The following SLC5A1 variants were observed in gnomAD, a reference collection of about 807,000 sequenced individuals.
SLC5A1 encodes the protein solute carrier family 5 member 1, also known as sodium/glucose cotransporter 1.
SLC5A1 carries 42 observed loss-of-function variants against 73.5 expected under a neutral mutation model. The ratio of observed to expected loss-of-function variants is 0.57; its 90% CI spans 0.45 to 0.74. The LOEUF (loss-of-function observed/expected upper bound fraction) is 0.74. SLC5A1 is among the 30% of genes least tolerant of loss of function. SLC5A1 has a pLI of 0.00. For synonymous variants in SLC5A1, 300 were observed against 317.4 expected, an observed-to-expected ratio of 0.95 and a Z score of 0.58; for missense variants, 634 against 855.4, an observed-to-expected ratio of 0.74 and a Z score of 3.23.
rs114142100 is a variant in SLC5A1, at chr22:32,057,495, G to C, written c.207+7481G>C. Among the ~76,000 whole-genome samples the C allele has an allele frequency of 8.1e-3, 1,232 of 152,180 alleles. 10 individuals are homozygous for C. Among genetic ancestry groups the C allele is most frequent in the African/African-American group, 0.028 (1,157 of 41,496 alleles). On this transcript the variant is annotated intron_variant, in intron 2 of 14. Coordinates refer to ENST00000266088, the MANE Select transcript of SLC5A1 (RefSeq NM_000343.4). ...TGCCCAGGCAGGTCTCAAACTCCTG[G>C]ATTCAAGTGATCCTCCTGCCATGGC...
chr22:32,110,587 C>G lies in SLC5A1; in HGVS notation c.*374C>G. 3.2e-6 allele frequency: 1 copy of G among 310,192 alleles called. No individual in the cohort carries two copies. The highest frequency in any genetic ancestry group is 6.2e-6 in the Non-Finnish European group (1 of 161,400). 19.2% of individuals were successfully genotyped at this position (310,192 alleles called of 1,614,324 possible). ...AATATTGTTTTAGAAACTTTGGTCT[C>G]CCTGGTTCCTGCCACTTTTCCTGTC... On this transcript the variant is annotated 3_prime_UTR_variant, in exon 15 of 15. Transcript: ENST00000266088.
At chr22:32,047,342 C>T (rs1200623875) in intron 1 of SLC5A1, among the ~76,000 whole-genome samples, 1 of 151,516 alleles carries the variant, frequency 6.6e-6, no homozygotes, top group East Asian at 1.9e-4. Flanking sequence ...TCTCTGCCCT[C>T]ACATTCTTCC....
At position 32,043,967 on chromosome 22, in the gene SLC5A1, G is replaced by C. The variant is rs1010217720; in HGVS notation, c.135+551G>C. On this transcript the variant is annotated intron_variant, in intron 1 of 14. Coordinates refer to ENST00000266088, the MANE Select transcript of SLC5A1 (RefSeq NM_000343.4). This position sits in a 1 kb window ranked among gnomAD's most constrained non-coding sequence, Gnocchi z 6.5. The stretch of plus-strand genomic sequence containing the variant: ...TTGTGCATGAGGATCCCAGGGGCTG[G>C]ATCAAGTTAGAGATGAGAAAGATGG... Among the ~76,000 whole-genome samples the C allele has an allele frequency of 6.6e-6, 1 of 152,192 alleles. No individual in the cohort carries two copies. Among genetic ancestry groups the C allele is most frequent in the African/African-American group, 2.4e-5 (1 of 41,446 alleles).
intron 11 of SLC5A1, among the ~76,000 whole-genome samples, chr22:32,098,194 G>A (rs1019018671): frequency 1.3e-5 from 2 of 152,136 alleles, no homozygotes; most frequent in Non-Finnish European, 2.9e-5. Context: ...ATCACTCCTT[G>A]ATATTTACAC....
intron 5 of SLC5A1, among the ~76,000 whole-genome samples, chr22:32,074,196 CTCTT>C (rs2093987228): frequency 6.6e-6 from 1 of 152,162 alleles, no homozygotes; most frequent in African/African-American, 2.4e-5. Flanking sequence ...GGTAAGAGCA[CTCTT>C]TGTCCTCAGA....
chr22:32,073,014 C>T (rs2093985145), intron 5 of SLC5A1, among the ~76,000 whole-genome samples: 1 of 152,146 alleles, frequency 6.6e-6, no homozygotes. Context: ...ATAATGTCCT[C>T]TGATGCACAA....
intron 12 of SLC5A1, among the ~76,000 whole-genome samples, chr22:32,099,780 T>C (rs116735725): frequency 0.03 from 4,499 of 152,208 alleles, 204 homozygotes; most frequent in African/African-American, 0.097. Flanking sequence ...TTCTGTAGCC[T>C]CTAGGTGAGT....
chr22:32,084,501 A>G lies in SLC5A1; in HGVS notation c.727A>G (p.Ile243Val). 10 of 1,614,262 alleles carry G rather than the reference A, an allele frequency of 6.2e-6. No individual in the cohort carries two copies. Among genetic ancestry groups the G allele is most frequent in the South Asian group, 1.1e-5 (1 of 91,078 alleles). The change falls in exon 8 of 15, where the codon ATA (isoleucine) becomes GTA (valine). Residue 243 changes from isoleucine (I) to valine (V), a missense_variant. Coordinates refer to ENST00000266088, the MANE Select transcript of SLC5A1 (RefSeq NM_000343.4). ...AAAGTACATGAAAGCCATTCCAACCATAGTGTCTGATGGCAACACCACCTT... is the reference window on the plus strand; with the variant it reads ...AAAGTACATGAAAGCCATTCCAACCGTAGTGTCTGATGGCAACACCACCTT... ...MEKYMKAIPT[I>V]VSDGNTTFQE...
At position 32,110,591 on chromosome 22, in the gene SLC5A1, G is replaced by T; in HGVS notation, c.*378G>T. 9.9e-6 allele frequency: 3 copies of T among 304,106 alleles called. No homozygotes were observed. The highest frequency in any genetic ancestry group is 6.5e-5 in the South Asian group (2 of 30,786). 18.8% of individuals were successfully genotyped at this position (304,106 alleles called of 1,614,324 possible). On this transcript the variant is annotated 3_prime_UTR_variant, in exon 15 of 15. Coordinates refer to ENST00000266088, the MANE Select transcript of SLC5A1 (RefSeq NM_000343.4). ...TTGTTTTAGAAACTTTGGTCTCCCT[G>T]GTTCCTGCCACTTTTCCTGTCCGTC...
intron 8 of SLC5A1, 21 bp downstream of exon 8, chr22:32,084,680 G>A (rs1205529813): frequency 1.2e-6 from 2 of 1,601,876 alleles, no homozygotes; most frequent in South Asian, 1.1e-5. Flanking sequence ...TGGATGTGCG[G>A]GATGGACAGA....
chr22:32,083,163 G>T lies in SLC5A1; in HGVS notation c.664+9G>T. On this transcript the variant is annotated intron_variant, in intron 7 of 14. Coordinates refer to ENST00000266088, the MANE Select transcript of SLC5A1 (RefSeq NM_000343.4). ...AATCCTGACTGGGTTTGGTAAGTGG[G>T]GCCAGGGCAGGCTGAGGAGGTGGGA... The T allele has an allele frequency of 6.2e-7, 1 of 1,612,682 alleles. No homozygotes were observed. Among genetic ancestry groups the T allele is most frequent in the Non-Finnish European group, 8.5e-7 (1 of 1,178,730 alleles).
chr22:32,073,070 G>T (rs2093985225), intron 5 of SLC5A1, among the ~76,000 whole-genome samples: 1 of 152,004 alleles, frequency 6.6e-6, no homozygotes, highest in Non-Finnish European at 1.5e-5. Context: ...TTTATCTCTT[G>T]TTGCTTATGC....
At chr22:32,049,154 T>TTA (rs1569298693) in intron 1 of SLC5A1, among the ~76,000 whole-genome samples, 5 of 130,276 alleles carry the variant, frequency 3.8e-5, no homozygotes, top group African/African-American at 1.3e-4. Flanking sequence ...ATAATCTATA[T>TTA]TATATATAAT....
At position 32,068,480 on chromosome 22, in the gene SLC5A1, C is replaced by T; in HGVS notation, c.373-16C>T. 9 of 1,577,442 alleles carry T rather than the reference C, an allele frequency of 5.7e-6. No homozygotes were observed. The highest frequency in any genetic ancestry group is 7.9e-6 in the Non-Finnish European group (9 of 1,146,490). ...GTCACTGTGGCTGGCAGTGACCTCC[C>T]TCGCACCCCATGCAGGTGGTGACAA... On this transcript the variant is annotated splice_polypyrimidine_tract_variant and intron_variant, in intron 4 of 14. Transcript: ENST00000266088.
chr22:32,047,915 C>T (rs1407351333), intron 1 of SLC5A1, among the ~76,000 whole-genome samples: 1 of 152,142 alleles, frequency 6.6e-6, no homozygotes, highest in African/African-American at 2.4e-5. Context: ...AATCCCAGCA[C>T]TTTCGGAAGC....
chr22:32,061,645 G>A (rs2093963204), intron 2 of SLC5A1, among the ~76,000 whole-genome samples: 2 of 152,190 alleles, frequency 1.3e-5, no homozygotes, highest in Non-Finnish European at 2.9e-5. Context: ...CTTGCTGAAT[G>A]TTCCAAATAA....
intron 10 of SLC5A1, among the ~76,000 whole-genome samples, chr22:32,087,283 G>A (rs1229779521): frequency 6.6e-6 from 1 of 152,158 alleles, no homozygotes; most frequent in Non-Finnish European, 1.5e-5. Flanking sequence ...TTAAGGTAAT[G>A]CATATATTTG....
At chr22:32,082,941 G>A (rs955513095) in intron 6 of SLC5A1, 133 bp from the exon 7 acceptor site, 23 of 757,968 alleles carry the variant, frequency 3.0e-5, no homozygotes, top group Non-Finnish European at 5.2e-5. Context: ...GGGAAGGAAG[G>A]AGAGGCAGGC....
At position 32,050,013 on chromosome 22, in the gene SLC5A1, CG is replaced by C. The variant is rs1239224525; in HGVS notation, c.207+1del. 9 of 1,613,272 alleles carry C rather than the reference CG, an allele frequency of 5.6e-6. No individual in the cohort carries two copies. Among genetic ancestry groups the C allele is most frequent in the Non-Finnish European group, 7.6e-6 (9 of 1,179,252 alleles). On this transcript the variant is annotated frameshift_variant and splice_region_variant, in exon 2 of 15. Transcript: ENST00000266088. LOFTEE classifies it high-confidence loss of function. ...GCAGGCCGAAGTATGGTGTGGTGGC[CG>C]GTAAGTTTTCTCTGAAATGCTATTT... ...FLAGRSMVWW[P>X]IGASLFASNI...
Sources: allele counts gnomAD v4.1 joint callset (sites outside exome capture counted in the v4.1 genomes callset), GRCh38; gene constraint gnomAD v4.1.1; non-coding constraint Gnocchi (gnomAD v3.1); transcripts MANE v1.5; gene names NCBI Gene and HGNC (gene_info 2026-07-23, HGNC 2026-07-21).